Variants in DNAJB4 observed in about 807,000 individuals in gnomAD.
DNAJB4 encodes dnaJ homolog subfamily B member 4.
A neutral mutation model predicts 26.6 loss-of-function variants in DNAJB4; 10 were observed. That is an observed-to-expected ratio of 0.38 (90% CI 0.23 to 0.64). The LOEUF (loss-of-function observed/expected upper bound fraction) is 0.64. Ranked by LOEUF, DNAJB4 falls within the 30% of genes least tolerant of loss-of-function variation. The probability of loss-of-function intolerance (pLI) is 0.58; values close to 1 mark genes in which losing one functional copy is unlikely to be tolerated. For missense variants in DNAJB4, 328 were observed against 408.2 expected, an observed-to-expected ratio of 0.80 and a Z score of 1.69; for synonymous variants, 136 against 134.8, an observed-to-expected ratio of 1.01 and a Z score of -0.06.
At chr1:78,011,632 G>A (rs1376384216) in intron 1 of DNAJB4, among the ~76,000 whole-genome samples, 1 of 151,638 alleles carries the variant, frequency 6.6e-6, no homozygotes, top group Non-Finnish European at 1.5e-5. Flanking sequence ...TTATAGGCAT[G>A]TGCCACCATG....
rs1402501643 is a variant in DNAJB4 at position 78,016,357 on chromosome 1, A to G, written c.*110A>G. 1.1e-6 allele frequency: 1 copy of G among 942,732 alleles called. No homozygotes were observed. Among genetic ancestry groups the G allele is most frequent in the Non-Finnish European group, 1.6e-6 (1 of 640,634 alleles). The allele number at this position is 942,732 out of a possible 1,614,324, so 58.4% of individuals were successfully genotyped here. ...GTATAAAGATGTGTAAATTCTTTTGAGGGTTCATTAAATTGCATGAATAGA... is the reference window on the plus strand; with the variant it reads ...GTATAAAGATGTGTAAATTCTTTTGGGGGTTCATTAAATTGCATGAATAGA... On this transcript the variant is annotated 3_prime_UTR_variant, in exon 3 of 3. Transcript: ENST00000370763.
intron 1 of DNAJB4, among the ~76,000 whole-genome samples, chr1:77,980,559 A>C (rs1659567660): frequency 6.6e-6 from 1 of 152,016 alleles, no homozygotes; most frequent in South Asian, 2.1e-4. Flanking sequence ...TTTTTTTCCA[A>C]AATTATTTGT....
intron 1 of DNAJB4, among the ~76,000 whole-genome samples, chr1:77,981,977 CTCT>C (rs532777186): frequency 2.6e-5 from 4 of 152,124 alleles, no homozygotes; most frequent in Non-Finnish European, 4.4e-5. Context: ...AGCTCTCCAC[CTCT>C]TCTTGTAAGA....
At chr1:78,004,360 A>T (rs1660266520), upstream of DNAJB4, 1 of 152,230 alleles carries the variant, frequency 6.6e-6, no homozygotes, top group Non-Finnish European at 1.5e-5. Flanking sequence ...CTTATTTTAA[A>T]ATAACGCATT....
At chr1:77,985,130 G>T (rs1369053206) in intron 1 of DNAJB4, among the ~76,000 whole-genome samples, 1 of 152,120 alleles carries the variant, frequency 6.6e-6, no homozygotes, top group Non-Finnish European at 1.5e-5. Context: ...TACCTTTACT[G>T]ACAACATTTA....
At chr1:78,015,796 G>A (rs1448586595) in intron 2 of DNAJB4, among the ~76,000 whole-genome samples, 1 of 151,968 alleles carries the variant, frequency 6.6e-6, no homozygotes, top group South Asian at 2.1e-4. Flanking sequence ...TGATCTGCCC[G>A]CCTTGGCCTC....
chr1:77,987,895 G>A (rs1659831473), intron 1 of DNAJB4, among the ~76,000 whole-genome samples: 1 of 148,198 alleles, frequency 6.7e-6, no homozygotes, highest in African/African-American at 2.5e-5. Flanking sequence ...TAAGCCATAT[G>A]TATATATGTA....
Position 78,013,515 on chromosome 1 carries a change from A to G in DNAJB4, c.676A>G (p.Ser226Gly). 6.2e-7 allele frequency: 1 copy of G among 1,614,016 alleles called. No homozygotes were observed. Among genetic ancestry groups the G allele is most frequent in the Non-Finnish European group, 8.5e-7 (1 of 1,180,004 alleles). The change falls in exon 2 of 3, where the codon AGT becomes GGT. Residue 226 changes from serine (S) to glycine (G), a missense_variant. Coordinates refer to ENST00000370763, the MANE Select transcript of DNAJB4 (RefSeq NM_007034.5). ...FPREGDETPN[S>G]IPADIVFIIK... ...AAGAGAAGGAGATGAAACACCAAATAGTATTCCAGCAGACATTGTTTTTAT... is the reference window on the plus strand; with the variant it reads ...AAGAGAAGGAGATGAAACACCAAATGGTATTCCAGCAGACATTGTTTTTAT...
upstream of DNAJB4, chr1:77,979,196 GAGAA>G (rs1659368988): frequency 6.8e-6 from 4 of 585,928 alleles, no homozygotes; most frequent in South Asian, 6.7e-5. Context: ...GGTTAGGGCT[GAGAA>G]AGAACGACAG....
chr1:77,995,251 G>T (rs7514180), intron 1 of DNAJB4, among the ~76,000 whole-genome samples: 1 of 151,916 alleles, frequency 6.6e-6, no homozygotes, highest in South Asian at 2.1e-4. Context: ...TTAATTTCAC[G>T]TTTGTTTTTA....
intron 1 of DNAJB4, among the ~76,000 whole-genome samples, chr1:77,982,274 G>A (rs892935321): frequency 2.0e-5 from 3 of 152,142 alleles, no homozygotes; most frequent in African/African-American, 7.2e-5. Context: ...AAAACAAAAT[G>A]TCTAAAATTC....
rs1284779770 is a variant in DNAJB4 at position 78,005,144 on chromosome 1, G to A, written c.34G>A (p.Glu12Lys). Reference protein sequence around the residue: ...GKDYYCILGIEKGASDEDIKK... With the variant: ...GKDYYCILGIKKGASDEDIKK... ...AGACTATTATTGCATTTTGGGAATT[G>A]AGAAAGGAGCTTCAGATGAAGATAT... The change falls in exon 1 of 3, where the codon GAG (glutamate) becomes AAG (lysine). Residue 12 changes from glutamate (E) to lysine (K), a missense_variant. Transcript: ENST00000370763. 4 of 1,613,902 alleles carry A rather than the reference G, an allele frequency of 2.5e-6. No individual in the cohort carries two copies. The highest frequency in any genetic ancestry group is 4.5e-5 in the East Asian group (2 of 44,882).
At chr1:77,984,983 C>G (rs933760902) in intron 1 of DNAJB4, among the ~76,000 whole-genome samples, 4 of 152,162 alleles carry the variant, frequency 2.6e-5, no homozygotes, top group Non-Finnish European at 4.4e-5. Context: ...ATTTCTAATC[C>G]AGTGCTCTTT....
At chr1:77,982,285 A>G (rs1334987046) in intron 1 of DNAJB4, among the ~76,000 whole-genome samples, 1 of 152,222 alleles carries the variant, frequency 6.6e-6, no homozygotes, top group African/African-American at 2.4e-5. Context: ...TCTAAAATTC[A>G]TATATTTACT....
intron 1 of DNAJB4, among the ~76,000 whole-genome samples, chr1:77,994,442 T>A (rs375212423): frequency 6.6e-6 from 1 of 151,960 alleles, no homozygotes; most frequent in South Asian, 2.1e-4. Context: ...TGTAAACAAT[T>A]AGCTAAACAA....
chr1:78,001,127 T>G (rs1483040908), upstream of DNAJB4, among the ~76,000 whole-genome samples: 2 of 152,078 alleles, frequency 1.3e-5, no homozygotes, highest in Admixed American at 6.5e-5. Context: ...GGAGGATTGT[T>G]TGAGCTCAGG....
upstream of DNAJB4, among the ~76,000 whole-genome samples, chr1:78,001,882 C>G (rs1447691995): frequency 6.6e-6 from 1 of 152,010 alleles, no homozygotes; most frequent in Non-Finnish European, 1.5e-5. Context: ...ATAATCTTAC[C>G]AATGTTTGAG....
intron 1 of DNAJB4, among the ~76,000 whole-genome samples, chr1:77,989,982 A>C (rs201556514): frequency 6.6e-6 from 1 of 152,210 alleles, no homozygotes; most frequent in Non-Finnish European, 1.5e-5. Flanking sequence ...ATTGGCTAGA[A>C]CCATGTCACA....
intron 1 of DNAJB4, among the ~76,000 whole-genome samples, chr1:77,996,064 G>A (rs1454325572): frequency 1.3e-5 from 2 of 152,182 alleles, no homozygotes; most frequent in Admixed American, 6.5e-5. Context: ...TATTGTAAAA[G>A]AGGGTAACAA....
Sources: allele counts gnomAD v4.1 joint callset (sites outside exome capture counted in the v4.1 genomes callset), GRCh38; gene constraint gnomAD v4.1.1; transcripts MANE v1.5; gene names NCBI Gene and HGNC (gene_info 2026-07-23, HGNC 2026-07-21).